The following RNF220 variants were observed in gnomAD, a reference collection of about 807,000 sequenced individuals.
The protein encoded by RNF220 is E3 ubiquitin-protein ligase RNF220.
In RNF220, 7 loss-of-function variants were observed where a neutral mutation model predicts 67.1. The ratio of observed to expected loss-of-function variants is 0.10; its 90% CI spans 0.06 to 0.20. The LOEUF (loss-of-function observed/expected upper bound fraction) is 0.20, where lower values mean the gene tolerates loss of function less well. Ranked by LOEUF, RNF220 falls within the 10% of genes least tolerant of loss-of-function variation. The pLI is 1.00. For synonymous variants in RNF220, 270 were observed against 283.2 expected, an observed-to-expected ratio of 0.95 and a Z score of 0.47; for missense variants, 565 against 740.3, an observed-to-expected ratio of 0.76 and a Z score of 2.75.
chr1:44,527,923 CCCAAAAAAAAAA>C (rs576617131), intron 2 of RNF220, among the ~76,000 whole-genome samples: 492 of 7,398 alleles, frequency 0.067, 33 homozygotes, highest in Non-Finnish European at 0.26. Context: ...AAGACTCCAT[CCCAAAAAAAAAA>C]AAAAAAAAAA....
intron 2 of RNF220, among the ~76,000 whole-genome samples, chr1:44,589,202 A>G (rs1289877049): frequency 6.6e-6 from 1 of 152,256 alleles, no homozygotes; most frequent in Non-Finnish European, 1.5e-5. Context: ...ACAGTGAGAC[A>G]GTGCCAGAAG....
chr1:44,557,624 C>T (rs1462621667), intron 2 of RNF220, among the ~76,000 whole-genome samples: 2 of 152,164 alleles, frequency 1.3e-5, no homozygotes, highest in African/African-American at 2.4e-5. Flanking sequence ...GACTGTGTCT[C>T]ATAAATTTGT....
At chr1:44,580,451 A>G (rs1298118285) in intron 2 of RNF220, among the ~76,000 whole-genome samples, 3 of 152,252 alleles carry the variant, frequency 2.0e-5, no homozygotes, top group Non-Finnish European at 4.4e-5. Flanking sequence ...TAGATTTCCA[A>G]AAGGCTATTG....
chr1:44,561,495 C>CA (rs200668622), intron 2 of RNF220, among the ~76,000 whole-genome samples: 6,710 of 147,596 alleles, frequency 0.045, 273 homozygotes, highest in East Asian at 0.16. Context: ...GGCCACAGAG[C>CA]AAAAAAAAAA....
rs141350863 is a variant in RNF220 at position 44,468,269 on chromosome 1, G to A, written c.625+55547G>A. Among the ~76,000 whole-genome samples the A allele has an allele frequency of 5.4e-4, 82 of 152,162 alleles. 1 individual carries two copies. The East Asian group carries it at 0.014, about 27-fold the overall frequency. The stretch of plus-strand genomic sequence containing the variant: ...GTGAAAGGTGTGGAAAGAGACATTC[G>A]CATATATTGCTAATGAGAGTGTAAA... On this transcript the variant is annotated intron_variant, in intron 2 of 14. Transcript: ENST00000361799.
intron 2 of RNF220, among the ~76,000 whole-genome samples, chr1:44,461,695 G>A (rs1450664496): frequency 2.6e-5 from 4 of 152,116 alleles, no homozygotes; most frequent in East Asian, 1.9e-4. Flanking sequence ...CATGATGAGA[G>A]CTTGTCAGGG....
At chr1:44,406,191 G>A (rs537787437) in intron 1 of RNF220, among the ~76,000 whole-genome samples, 1 of 152,322 alleles carries the variant, frequency 6.6e-6, no homozygotes, top group South Asian at 2.1e-4. Context: ...CGGGTGCTCG[G>A]CTGACTTTTT....
intron 2 of RNF220, among the ~76,000 whole-genome samples, chr1:44,468,087 T>C (rs899531959): frequency 7.2e-6 from 1 of 139,352 alleles, no homozygotes; most frequent in African/African-American, 2.6e-5. Context: ...ACATCAAAGA[T>C]CAAGAATTAC....
At chr1:44,517,300 T>G (rs1405310792) in intron 2 of RNF220, among the ~76,000 whole-genome samples, 1 of 152,132 alleles carries the variant, frequency 6.6e-6, no homozygotes, top group East Asian at 1.9e-4. Context: ...GCCCCCTGTC[T>G]TCCCGGACCC....
chr1:44,441,762 A>T (rs546741600), intron 2 of RNF220, among the ~76,000 whole-genome samples: 1 of 152,348 alleles, frequency 6.6e-6, no homozygotes, highest in Admixed American at 6.5e-5. Flanking sequence ...GCAGCATTTC[A>T]TCATTCATTC....
chr1:44,568,144 A>G (rs1350983527), intron 2 of RNF220, among the ~76,000 whole-genome samples: 1 of 152,112 alleles, frequency 6.6e-6, no homozygotes, highest in African/African-American at 2.4e-5. Flanking sequence ...GTCCTTTTCA[A>G]CAATGTAGGT....
At chr1:44,554,611 G>A (rs1211372018) in intron 2 of RNF220, among the ~76,000 whole-genome samples, 1 of 151,900 alleles carries the variant, frequency 6.6e-6, no homozygotes, top group Admixed American at 6.6e-5. Context: ...AGAAGAGAAT[G>A]GAGGGTCAGG....
At chr1:44,562,616 G>A (rs1375240749) in intron 2 of RNF220, among the ~76,000 whole-genome samples, 1 of 152,190 alleles carries the variant, frequency 6.6e-6, no homozygotes, top group African/African-American at 2.4e-5. Context: ...GCCTGAGCAG[G>A]TCCCAGACAG....
intron 7 of RNF220, 112 bp downstream of exon 7, chr1:44,635,700 C>T (rs761128916): frequency 6.5e-5 from 102 of 1,558,482 alleles, no homozygotes; most frequent in Non-Finnish European, 7.7e-5. Flanking sequence ...CTTCCTTCCC[C>T]GCTCCCTTCC....
chr1:44,433,015 C>T (rs1157405105), intron 2 of RNF220, among the ~76,000 whole-genome samples: 5 of 151,818 alleles, frequency 3.3e-5, no homozygotes, highest in Non-Finnish European at 7.4e-5. Flanking sequence ...CTACAACCTC[C>T]GCCTTCTGGG....
chr1:44,507,615 A>AGCGG (rs1195666420), intron 2 of RNF220, among the ~76,000 whole-genome samples: 1 of 151,808 alleles, frequency 6.6e-6, no homozygotes, highest in Non-Finnish European at 1.5e-5. Flanking sequence ...GGCAACAAGT[A>AGCGG]GCGGGCAGGC....
At position 44,570,565 on chromosome 1, in the gene RNF220, C is replaced by G. The variant is rs114829438; in HGVS notation, c.626-43600C>G. On this transcript the variant is annotated intron_variant, in intron 2 of 14. Coordinates refer to ENST00000361799, the MANE Select transcript of RNF220 (RefSeq NM_018150.4). ...TCAGAACAGGCTAAAGCCGAAGTCT[C>G]CTCCTTTCTATTTCACCTCTGAGTC... Among the ~76,000 whole-genome samples the G allele has an allele frequency of 3.2e-3, 480 of 152,090 alleles. 4 individuals carry two copies. The highest frequency in any genetic ancestry group is 0.011 in the African/African-American group (451 of 41,474).
At position 44,475,150 on chromosome 1, in the gene RNF220, T is replaced by G. The variant is rs186043833; in HGVS notation, c.625+62428T>G. Among the ~76,000 whole-genome samples, 410 of 152,304 alleles carry G rather than the reference T, an allele frequency of 2.7e-3. 3 individuals carry two copies. The highest frequency in any genetic ancestry group is 2.6e-3 in the Non-Finnish European group (176 of 68,034). On this transcript the variant is annotated intron_variant, in intron 2 of 14. Transcript: ENST00000361799. ...TTCTTGTTCCACTAAAAACTAAAAT[T>G]GTAGACAATGTGTTTTGGGTGTGAT...
rs114902865 is a variant in RNF220 at position 44,515,017 on chromosome 1, C to T, written c.626-99148C>T. On this transcript the variant is annotated intron_variant, in intron 2 of 14. Transcript: ENST00000361799. Reference sequence around the variant, plus strand: ...GGGGAACAAACACAGAAAGGGAAGACCTAGCAAGACTGTTCCAGGGAGTGG... The same window carrying T: ...GGGGAACAAACACAGAAAGGGAAGATCTAGCAAGACTGTTCCAGGGAGTGG... Among the ~76,000 whole-genome samples, 481 of 152,278 alleles carry T rather than the reference C, an allele frequency of 3.2e-3. 2 individuals are homozygous for T. The highest frequency in any genetic ancestry group is 4.6e-3 in the Non-Finnish European group (314 of 68,014).
Sources: allele counts gnomAD v4.1 joint callset (sites outside exome capture counted in the v4.1 genomes callset), GRCh38; gene constraint gnomAD v4.1.1; transcripts MANE v1.5; gene names NCBI Gene and HGNC (gene_info 2026-07-23, HGNC 2026-07-21).